ZNF695: variants seen among roughly 807,000 people sequenced by gnomAD.
The protein encoded by ZNF695 is zinc finger protein SBZF3.
In ZNF695, 11 loss-of-function variants were observed where a neutral mutation model predicts 11.2. That is an observed-to-expected ratio of 0.98 (90% confidence interval 0.62 to 1.62). ZNF695 has a LOEUF of 1.62. Ranked by LOEUF, ZNF695 falls within the 40% of genes most tolerant of loss-of-function variation. The probability of loss-of-function intolerance (pLI) is 0.00; values close to 1 mark genes in which losing one functional copy is unlikely to be tolerated. For synonymous variants in ZNF695, 190 were observed against 201.4 expected, an observed-to-expected ratio of 0.94 and a Z score of 0.48; for missense variants, 559 against 590.5, an observed-to-expected ratio of 0.95 and a Z score of 0.55.
chr1:246,967,713 T>G (rs1001388278), exon 5 of ZNF695: 83 of 397,274 alleles, frequency 2.1e-4, no homozygotes, highest in African/African-American at 1.6e-3. Flanking sequence ...GGGCTTTACA[T>G]GCTTCTGCTT....
chr1:246,967,181 G>A (rs1304816439), intron 5 of ZNF695, among the ~76,000 whole-genome samples: 3 of 152,200 alleles, frequency 2.0e-5, no homozygotes, highest in South Asian at 2.1e-4. Flanking sequence ...CAGGTGATCC[G>A]CCTGCCTCGG....
intron 4 of ZNF695, among the ~76,000 whole-genome samples, chr1:246,977,569 A>G (rs1668602339): frequency 6.6e-6 from 1 of 152,144 alleles, no homozygotes; most frequent in Non-Finnish European, 1.5e-5. Context: ...AAAGTTTTTA[A>G]AAGTCTTTTA....
Position 246,985,688 on chromosome 1 carries a change from G to A in ZNF695, c.*1279C>T, listed in dbSNP as rs754529737. 5 of 985,304 alleles carry A rather than the reference G, an allele frequency of 5.1e-6. No individual in the cohort carries two copies. Among genetic ancestry groups the A allele is most frequent in the Non-Finnish European group, 6.0e-6 (5 of 829,854 alleles). 61.0% of individuals were successfully genotyped at this position (985,304 alleles called of 1,614,324 possible). ...CCACTGAATTTTATTACCTTAATGT[G>A]CAATAGGAAAAACAACTGACTTGTA... On this transcript the variant is annotated 3_prime_UTR_variant, in exon 4 of 4. Transcript: ENST00000339986.
chr1:246,963,221 A>G (rs978788569), intron 5 of ZNF695, among the ~76,000 whole-genome samples: 2 of 152,138 alleles, frequency 1.3e-5, no homozygotes, highest in African/African-American at 2.4e-5. Context: ...GCATTCATTT[A>G]TTCATGACAC....
intron 4 of ZNF695, among the ~76,000 whole-genome samples, chr1:246,971,987 G>C (rs1208549427): frequency 1.3e-5 from 2 of 152,092 alleles, no homozygotes; most frequent in African/African-American, 4.8e-5. Flanking sequence ...CCATCCACCG[G>C]GGCCTCCCAA....
At chr1:246,969,883 C>G (rs370401449) in intron 4 of ZNF695, among the ~76,000 whole-genome samples, 1 of 152,152 alleles carries the variant, frequency 6.6e-6, no homozygotes, top group East Asian at 1.9e-4. Context: ...CTTACTATCA[C>G]GAGAACAGCA....
At position 246,986,457 on chromosome 1, in the gene ZNF695, C is replaced by T. The variant is rs1468587685; in HGVS notation, c.*510G>A. 3.8e-5 allele frequency: 37 copies of T among 985,866 alleles called. No individual in the cohort carries two copies. The highest frequency in any genetic ancestry group is 6.1e-5 in the Admixed American group (1 of 16,344). The allele number at this position is 985,866 out of a possible 1,614,324, so 61.1% of individuals were successfully genotyped here. Reference sequence around the variant, plus strand: ...CTTAACTTTGAATTATTCTCTATAACCAACACTCAGATTTACAGTAATGTC... The same window carrying T: ...CTTAACTTTGAATTATTCTCTATAATCAACACTCAGATTTACAGTAATGTC... On this transcript the variant is annotated 3_prime_UTR_variant, in exon 4 of 4. Transcript: ENST00000339986.
chr1:246,996,958 A>G (rs1158445656), intron 3 of ZNF695, among the ~76,000 whole-genome samples: 1 of 152,210 alleles, frequency 6.6e-6, no homozygotes, highest in Non-Finnish European at 1.5e-5. Context: ...TATAAAGGCA[A>G]ACAAACTTAC....
intron 3 of ZNF695, among the ~76,000 whole-genome samples, chr1:246,988,892 C>T (rs767002316): frequency 2.6e-5 from 4 of 151,902 alleles, no homozygotes; most frequent in East Asian, 1.9e-4. Context: ...AGATCGAGAC[C>T]GTCCTGGCCA....
chr1:247,002,762 G>A (rs1669424437), intron 1 of ZNF695, among the ~76,000 whole-genome samples: 1 of 151,174 alleles, frequency 6.6e-6, no homozygotes, highest in South Asian at 2.1e-4. Context: ...CAGCCTGGGT[G>A]AAAGAGTGAG....
chr1:246,982,703 T>A (rs1340268788), downstream of ZNF695, among the ~76,000 whole-genome samples: 2 of 152,202 alleles, frequency 1.3e-5, no homozygotes, highest in Non-Finnish European at 2.9e-5. Flanking sequence ...CCAGGCGCGG[T>A]GGCTCGTGCC....
At position 246,987,427 on chromosome 1, in the gene ZNF695, T is replaced by C; in HGVS notation, c.1088A>G (p.Gln363Arg). 6.2e-7 allele frequency: 1 copy of C among 1,612,496 alleles called. No individual in the cohort carries two copies. Among genetic ancestry groups the C allele is most frequent in the South Asian group, 1.1e-5 (1 of 90,890 alleles). Residue 363 changes from glutamine (Q) to arginine (R), a missense_variant, in exon 4 of 4, where the codon CAG (glutamine) becomes CGG (arginine). Physicochemically the swap from Gln to Arg is conservative, Grantham distance 43. Coordinates refer to ENST00000339986, the MANE Select transcript of ZNF695 (RefSeq NM_020394.5). Reference sequence around the variant, plus strand: ...CCTATGTTCAGTCAGATGTGAGCTCTGGTTAAAGGCTTTTCCACATTCTTC... The same window carrying C: ...CCTATGTTCAGTCAGATGTGAGCTCCGGTTAAAGGCTTTTCCACATTCTTC... ...RCEECGKAFN[Q>R]SSHLTEHRRI...
intron 5 of ZNF695, among the ~76,000 whole-genome samples, chr1:246,964,089 G>A (rs1217080161): frequency 6.6e-6 from 1 of 152,138 alleles, no homozygotes; most frequent in African/African-American, 2.4e-5. Context: ...GCCAGGTATG[G>A]GGGAGGGGGC....
rs1668854095 is a variant in ZNF695, at chr1:246,986,605, T to C, written c.*362A>G. The stretch of plus-strand genomic sequence containing the variant: ...AAAACAGTTTTTAGTGTGAACACTC[T>C]GGTGTTTTCTGAGGTATATTTTTTG... On this transcript the variant is annotated 3_prime_UTR_variant, in exon 4 of 4. Coordinates refer to ENST00000339986, the MANE Select transcript of ZNF695 (RefSeq NM_020394.5). 1 of 1,014,602 alleles carries C rather than the reference T, an allele frequency of 9.9e-7. No individual in the cohort carries two copies. Among genetic ancestry groups the C allele is most frequent in the South Asian group, 4.5e-5 (1 of 22,394 alleles). 62.8% of individuals were successfully genotyped at this position (1,014,602 alleles called of 1,614,324 possible).
intron 4 of ZNF695, among the ~76,000 whole-genome samples, chr1:246,972,587 CT>C (rs1668454366): frequency 6.6e-6 from 1 of 152,138 alleles, no homozygotes; most frequent in African/African-American, 2.4e-5. Context: ...ATGGCGTGAT[CT>C]CGGCTCGCTG....
downstream of ZNF695, among the ~76,000 whole-genome samples, chr1:246,980,977 C>G (rs1293255461): frequency 1.3e-5 from 2 of 152,028 alleles, no homozygotes; most frequent in African/African-American, 4.8e-5. Flanking sequence ...GAGACAACCA[C>G]AGAATGAAAA....
chr1:246,955,098 C>A (rs1042015905), intron 5 of ZNF695, among the ~76,000 whole-genome samples: 1 of 152,186 alleles, frequency 6.6e-6, no homozygotes, highest in Admixed American at 6.5e-5. Context: ...TCTGCACGTG[C>A]TTTCTTGCCT....
Position 247,000,072 on chromosome 1 carries a change from T to A in ZNF695, c.6A>T (p.Gly2=), listed in dbSNP as rs74155716. 2.3e-3 allele frequency: 3,661 copies of A among 1,599,770 alleles called. 70 individuals carry two copies. In the African/African-American group the frequency reaches 0.044, roughly 19 times the overall value. ...GAGCCACATCCCTGAATGCCAATAG[T>A]CCCTGAAAAAGAAAACATATTTACC... M[G]LLAFRDVALE... The change falls in exon 2 of 4, where the codon GGA becomes GGT. Residue 2 remains glycine, a splice_region_variant and synonymous_variant. Transcript: ENST00000339986.
chr1:246,963,305 G>C (rs1222146308), intron 5 of ZNF695, among the ~76,000 whole-genome samples: 1 of 152,130 alleles, frequency 6.6e-6, no homozygotes, highest in Non-Finnish European at 1.5e-5. Context: ...GACAAAACTG[G>C]CCATGTGCAG....
Sources: gnomAD v4.1 joint callset for allele counts (sites outside exome capture counted in the v4.1 genomes callset) on GRCh38, gnomAD v4.1.1 for gene constraint, MANE v1.5 for transcripts, NCBI Gene and HGNC (gene_info 2026-07-23, HGNC 2026-07-21) for gene names.